CDC42BPA: variants seen among roughly 807,000 people sequenced by gnomAD.
The protein encoded by CDC42BPA is CDC42 binding protein kinase alpha, also known as serine/threonine-protein kinase MRCK alpha.
A neutral mutation model predicts 223.5 loss-of-function variants in CDC42BPA; 80 were observed. The observed-to-expected ratio is 0.36, with a 90% confidence interval of 0.30 to 0.43. The LOEUF is 0.43. CDC42BPA is among the 20% of genes least tolerant of loss of function. CDC42BPA has a pLI of 1.00. For missense variants in CDC42BPA, 1,743 were observed against 2,099.9 expected (o/e 0.83, Z 3.32); for synonymous variants, 694 against 718.6 (o/e 0.97, Z 0.55).
intron 18 of CDC42BPA, 52 bp from the exon 19 acceptor site, chr1:227,074,064 T>C: frequency 6.4e-7 from 1 of 1,553,586 alleles, no homozygotes; most frequent in Non-Finnish European, 8.8e-7. Flanking sequence ...AACATTTAAA[T>C]TATTATAGTT....
At chr1:227,073,813 T>A in intron 19 of CDC42BPA, 51 bp downstream of exon 19, 2 of 1,388,200 alleles carry the variant, frequency 1.4e-6, no homozygotes, top group South Asian at 1.4e-5. Flanking sequence ...CTCCAAATAA[T>A]TATGACAAAC....
Position 227,174,902 on chromosome 1 carries a change from C to T in CDC42BPA, c.600-14266G>A, listed in dbSNP as rs181134615. On this transcript the variant is annotated intron_variant, in intron 5 of 36. Transcript: ENST00000366766. ...TGCTTGCCCTCAGGGAGAGATTCTACGCAACAGAAAGCTGGTGTGCCTCAA... is the reference window on the plus strand; with the variant it reads ...TGCTTGCCCTCAGGGAGAGATTCTATGCAACAGAAAGCTGGTGTGCCTCAA... 1.7e-3 allele frequency among the ~76,000 whole-genome samples: 257 copies of T among 152,274 alleles called. 3 individuals are homozygous for T. The highest frequency in any genetic ancestry group is 5.4e-3 in the African/African-American group (223 of 41,558).
At chr1:227,233,919 C>T (rs975257640) in intron 2 of CDC42BPA, among the ~76,000 whole-genome samples, 6 of 152,070 alleles carry the variant, frequency 3.9e-5, no homozygotes, top group African/African-American at 1.2e-4. Flanking sequence ...GGTGACAGGA[C>T]GAGACTCTGT....
chr1:227,115,680 A>C (rs901745733), intron 12 of CDC42BPA, among the ~76,000 whole-genome samples: 4 of 152,162 alleles, frequency 2.6e-5, no homozygotes, highest in African/African-American at 9.6e-5. Context: ...CAAAGAACAG[A>C]TACCACGTAG....
intron 22 of CDC42BPA, among the ~76,000 whole-genome samples, chr1:227,051,292 TC>T (rs1673476769): frequency 6.6e-6 from 1 of 152,210 alleles, no homozygotes; most frequent in Non-Finnish European, 1.5e-5. Flanking sequence ...GGTACAGCAT[TC>T]TTTTGACTTG....
At chr1:227,175,847 G>A (rs765707883) in intron 5 of CDC42BPA, among the ~76,000 whole-genome samples, 6 of 152,134 alleles carry the variant, frequency 3.9e-5, no homozygotes, top group African/African-American at 1.4e-4. Flanking sequence ...TGTTTTCCCT[G>A]CAGTAGGAAA....
At chr1:227,039,245 C>CT in intron 24 of CDC42BPA, among the ~76,000 whole-genome samples, 1 of 152,242 alleles carries the variant, frequency 6.6e-6, no homozygotes, top group Admixed American at 6.5e-5. Context: ...TCAGGACCCT[C>CT]TGTTCTTCAG....
chr1:227,097,948 G>C (rs183949993), intron 15 of CDC42BPA, among the ~76,000 whole-genome samples: 2 of 152,266 alleles, frequency 1.3e-5, no homozygotes, highest in South Asian at 2.1e-4. Flanking sequence ...AATCTCTCAA[G>C]TCACCCACTT....
chr1:227,177,012 ATT>A (rs1667065841), intron 5 of CDC42BPA, among the ~76,000 whole-genome samples: 1 of 150,768 alleles, frequency 6.6e-6, no homozygotes, highest in African/African-American at 2.4e-5. Flanking sequence ...TTATTCTAGA[ATT>A]TGTTTATGCC....
chr1:226,995,281 C>T (rs1188612185), intron 35 of CDC42BPA, among the ~76,000 whole-genome samples: 1 of 152,202 alleles, frequency 6.6e-6, no homozygotes, highest in Admixed American at 6.5e-5. Flanking sequence ...CAAGTCTCCA[C>T]CTGCCTGGTG....
At chr1:227,194,377 T>A (rs1199643159) in intron 4 of CDC42BPA, among the ~76,000 whole-genome samples, 3 of 152,176 alleles carry the variant, frequency 2.0e-5, no homozygotes, top group Admixed American at 1.3e-4. Flanking sequence ...TTATTTCACC[T>A]TGGATCAGTA....
intron 20 of CDC42BPA, among the ~76,000 whole-genome samples, chr1:227,070,901 G>T (rs16846942): frequency 3.3e-5 from 5 of 151,624 alleles, no homozygotes; most frequent in African/African-American, 1.2e-4. Context: ...GTCATCTGGC[G>T]TGCAAGTCAT....
chr1:226,994,715 G>C lies in CDC42BPA; in HGVS notation c.5133+108C>G. The C allele has an allele frequency of 8.4e-7, 1 of 1,190,000 alleles. No homozygotes were observed. Among genetic ancestry groups the C allele is most frequent in the Non-Finnish European group, 1.2e-6 (1 of 850,570 alleles). The allele number at this position is 1,190,000 out of a possible 1,614,324, so 73.7% of individuals were successfully genotyped here. ...TGGCCAAGAGTGAATGCTGGCCCCT[G>C]ACCCCGAACCCTGCTGCAGCTGAGG... On this transcript the variant is annotated intron_variant, in intron 36 of 36. Coordinates refer to ENST00000366766, the MANE Select transcript of CDC42BPA (RefSeq NM_001394014.1). This position sits in a 1 kb window ranked among gnomAD's most constrained non-coding sequence, Gnocchi z 4.0.
At chr1:227,011,793 G>A (rs557334880) in intron 34 of CDC42BPA, among the ~76,000 whole-genome samples, 5 of 152,226 alleles carry the variant, frequency 3.3e-5, no homozygotes, top group Middle Eastern at 3.4e-3. Flanking sequence ...TTCCGATTAC[G>A]CAGGAACTAT....
chr1:227,131,631 T>C (rs1571859831), intron 10 of CDC42BPA, among the ~76,000 whole-genome samples: 1 of 152,168 alleles, frequency 6.6e-6, no homozygotes, highest in East Asian at 1.9e-4. Context: ...TCAGATGATA[T>C]ATGAAGAACT....
chr1:227,086,964 C>T (rs765515264), intron 16 of CDC42BPA, among the ~76,000 whole-genome samples: 3 of 152,146 alleles, frequency 2.0e-5, no homozygotes, highest in South Asian at 2.1e-4. Context: ...TGAACCACCA[C>T]GTCCACCTTA....
intron 21 of CDC42BPA, among the ~76,000 whole-genome samples, chr1:227,063,784 T>C (rs1011382972): frequency 6.6e-6 from 1 of 152,166 alleles, no homozygotes; most frequent in Non-Finnish European, 1.5e-5. Flanking sequence ...AATTCTCACA[T>C]ACAATTGACC....
intron 2 of CDC42BPA, among the ~76,000 whole-genome samples, chr1:227,222,023 A>G (rs1253819757): frequency 7.0e-6 from 1 of 142,524 alleles, no homozygotes; most frequent in East Asian, 2.1e-4. Context: ...GAGACCAGCC[A>G]GAGCAACATA....
chr1:227,097,528 T>C (rs1684231979), intron 15 of CDC42BPA, among the ~76,000 whole-genome samples: 1 of 152,086 alleles, frequency 6.6e-6, no homozygotes, highest in African/African-American at 2.4e-5. Flanking sequence ...GATCAGGTGG[T>C]TGTTAAACTG....
Sources: gnomAD v4.1 joint callset for allele counts (sites outside exome capture counted in the v4.1 genomes callset) on GRCh38, gnomAD v4.1.1 for gene constraint, Gnocchi (gnomAD v3.1) non-coding constraint, MANE v1.5 for transcripts, NCBI Gene and HGNC (gene_info 2026-07-23, HGNC 2026-07-21) for gene names.